The following SH3GLB1 variants were observed in gnomAD, a reference collection of about 807,000 sequenced individuals.
The protein encoded by SH3GLB1 is endophilin-B1.
Under a neutral mutation model 42.0 loss-of-function variants are expected in SH3GLB1, and 17 were observed. The ratio of observed to expected loss-of-function variants is 0.40; its 90% CI spans 0.28 to 0.61. The LOEUF (loss-of-function observed/expected upper bound fraction) is 0.61. SH3GLB1 is among the 20% of genes least tolerant of loss of function. The pLI, the probability that SH3GLB1 is intolerant of heterozygous loss-of-function variation, is 0.36. For synonymous variants in SH3GLB1, 132 were observed against 146.6 expected (o/e 0.90, Z 0.72); for missense variants, 355 against 426.3 (o/e 0.83, Z 1.47).
chr1:86,722,229 A>G (rs920485111), intron 3 of SH3GLB1, among the ~76,000 whole-genome samples: 6 of 151,182 alleles, frequency 4.0e-5, no homozygotes, highest in Non-Finnish European at 8.8e-5. Flanking sequence ...CAGAACCCAT[A>G]GATACAGAGG....
At chr1:86,717,103 T>C (rs1163972552) in intron 2 of SH3GLB1, among the ~76,000 whole-genome samples, 1 of 152,184 alleles carries the variant, frequency 6.6e-6, no homozygotes, top group Admixed American at 6.5e-5. Context: ...CAAATCTGCA[T>C]GTGTACTCCT....
rs114006993 is a variant in SH3GLB1, at chr1:86,744,466, G to A, written c.*1231G>A. The A allele has an allele frequency of 6.6e-6, 1 of 152,172 alleles. No homozygotes were observed. The highest frequency in any genetic ancestry group is 3.2e-3 in the Middle Eastern group (1 of 316). The allele number at this position is 152,172 out of a possible 1,614,324, so 9.4% of individuals were successfully genotyped here. On this transcript the variant is annotated 3_prime_UTR_variant, in exon 9 of 9. Transcript: ENST00000370558. ...CAATTATCCTATAGTAGGATTCGTG[G>A]TGTGATGGGGAAAATACAAGGTACT... is the stretch of plus-strand genomic sequence containing the variant.
chr1:86,724,103 A>G (rs898421288), intron 4 of SH3GLB1, among the ~76,000 whole-genome samples: 1 of 143,720 alleles, frequency 7.0e-6, no homozygotes, highest in Non-Finnish European at 1.5e-5. Context: ...GACACTTACA[A>G]TGTTTCAATT....
intron 1 of SH3GLB1, among the ~76,000 whole-genome samples, chr1:86,714,588 A>G (rs1037312629): frequency 6.6e-5 from 10 of 152,216 alleles, no homozygotes; most frequent in Non-Finnish European, 1.3e-4. Flanking sequence ...AGGTGTTGAT[A>G]ATAACCTGAA....
chr1:86,704,744 G>A lies in SH3GLB1; in HGVS notation c.-156G>A. On this transcript the variant is annotated 5_prime_UTR_variant, in exon 1 of 9. Transcript: ENST00000370558. ...CCCTCGCCCCGCCTTCATCCTCCCC[G>A]TTCACGGAAACGACAGCTGCGGCTG... 1 of 490,198 alleles carries A rather than the reference G, an allele frequency of 2.0e-6. No homozygotes were observed. Among genetic ancestry groups the A allele is most frequent in the Non-Finnish European group, 3.6e-6 (1 of 279,212 alleles). 30.4% of individuals were successfully genotyped at this position (490,198 alleles called of 1,614,324 possible).
At chr1:86,707,060 T>G (rs1241987186) in intron 1 of SH3GLB1, among the ~76,000 whole-genome samples, 1 of 152,248 alleles carries the variant, frequency 6.6e-6, no homozygotes, top group Non-Finnish European at 1.5e-5. Context: ...ATCAGCAAAG[T>G]GTCTGCCCTC....
In SH3GLB1 at chr1:86,733,236, C is replaced by T. The variant is rs998130829; in HGVS notation, c.571-1366C>T. 4.5e-4 allele frequency among the ~76,000 whole-genome samples: 68 copies of T among 152,174 alleles called. 1 individual carries two copies. Among genetic ancestry groups the T allele is most frequent in the Non-Finnish European group, 2.2e-4 (15 of 67,996 alleles). On this transcript the variant is annotated intron_variant, in intron 5 of 8. Coordinates refer to ENST00000370558, the MANE Select transcript of SH3GLB1 (RefSeq NM_016009.5). ...TGACTTACTAATTCAAGCTTATTTC[C>T]GTAAGTCCAAGCTAGAGGTCAATTA...
At chr1:86,721,260 A>G (rs971417061) in intron 3 of SH3GLB1, among the ~76,000 whole-genome samples, 1 of 152,216 alleles carries the variant, frequency 6.6e-6, no homozygotes. Flanking sequence ...TAAGCATTAT[A>G]TAGTATATAT....
At chr1:86,722,871 T>C (rs1328139645) in intron 4 of SH3GLB1, among the ~76,000 whole-genome samples, 198 bp downstream of exon 4, 1 of 152,240 alleles carries the variant, frequency 6.6e-6, no homozygotes, top group Non-Finnish European at 1.5e-5. Context: ...TTGTGTGTCC[T>C]ACAGTGTTAT....
intron 4 of SH3GLB1, among the ~76,000 whole-genome samples, 167 bp from the exon 5 acceptor site, chr1:86,724,146 G>A (rs1655023549): frequency 8.2e-6 from 1 of 121,708 alleles, no homozygotes; most frequent in Admixed American, 7.5e-5. Context: ...GTAACAAGGG[G>A]GTGGGGGGGG....
At position 86,730,138 on chromosome 1, in the gene SH3GLB1, A is replaced by G. The variant is rs753686008; in HGVS notation, c.571-4464A>G. On this transcript the variant is annotated intron_variant, in intron 5 of 8. Transcript: ENST00000370558. ...TAAGTAAATTATTAAATACAGAACTATGAAACAAGAATTTAGTTGACGTTG... is the reference window on the plus strand; with the variant it reads ...TAAGTAAATTATTAAATACAGAACTGTGAAACAAGAATTTAGTTGACGTTG... The G allele has an allele frequency of 6.3e-5, 99 of 1,581,272 alleles. No homozygotes were observed. In the Middle Eastern group the frequency reaches 3.2e-3, roughly 50 times the overall value.
Position 86,724,969 on chromosome 1 carries a change from A to G in SH3GLB1, c.570+564A>G, listed in dbSNP as rs746774840. 1.7e-3 allele frequency among the ~76,000 whole-genome samples: 244 copies of G among 144,904 alleles called. 2 individuals are homozygous for G. The highest frequency in any genetic ancestry group is 2.8e-3 in the Non-Finnish European group (184 of 66,826). On this transcript the variant is annotated intron_variant, in intron 5 of 8. Coordinates refer to ENST00000370558, the MANE Select transcript of SH3GLB1 (RefSeq NM_016009.5). ...TATAAAATATATAATACATATGTGT[A>G]TATATATAAAATATATATATGTGTG...
At chr1:86,706,328 A>G (rs182378721) in intron 1 of SH3GLB1, among the ~76,000 whole-genome samples, 59 of 152,288 alleles carry the variant, frequency 3.9e-4, no homozygotes, top group African/African-American at 1.4e-3. Flanking sequence ...ATCTGGTTCA[A>G]TCTGAGCATT....
chr1:86,720,703 T>C (rs1282800059), intron 3 of SH3GLB1, among the ~76,000 whole-genome samples: 3 of 152,256 alleles, frequency 2.0e-5, no homozygotes, highest in African/African-American at 7.2e-5. Context: ...TTTCTACACA[T>C]AGTTCTGATT....
intron 2 of SH3GLB1, among the ~76,000 whole-genome samples, chr1:86,717,476 G>C (rs1654600928): frequency 6.6e-6 from 1 of 152,084 alleles, no homozygotes; most frequent in Non-Finnish European, 1.5e-5. Flanking sequence ...CTGGAGTGCA[G>C]TGGTGTGATC....
intron 5 of SH3GLB1, among the ~76,000 whole-genome samples, chr1:86,724,967 G>A (rs1004581412): frequency 1.2e-4 from 17 of 138,180 alleles, no homozygotes; most frequent in Non-Finnish European, 2.4e-4. Flanking sequence ...ATACATATGT[G>A]TATATATATA....
rs992753585 is a variant in SH3GLB1, at chr1:86,747,478, T to C, written c.*4243T>C. The C allele has an allele frequency of 7.2e-6, 1 of 139,296 alleles. No individual in the cohort carries two copies. Among genetic ancestry groups the C allele is most frequent in the African/African-American group, 3.2e-5 (1 of 31,208 alleles). 8.6% of individuals were successfully genotyped at this position (139,296 alleles called of 1,614,324 possible). ...TTCTCTGACATCACTTGAAAAATCC[T>C]CTCTGCCTTCTGTAACCCTTAACCA... On this transcript the variant is annotated 3_prime_UTR_variant, in exon 9 of 9. Transcript: ENST00000370558.
intron 3 of SH3GLB1, among the ~76,000 whole-genome samples, chr1:86,719,982 CGA>C (rs1316105820): frequency 8.6e-6 from 1 of 116,768 alleles, no homozygotes; most frequent in Admixed American, 1.1e-4. Context: ...GGCCACAGAA[CGA>C]GACTCTGTCT....
At chr1:86,736,680 G>C (rs1371629731) in intron 7 of SH3GLB1, among the ~76,000 whole-genome samples, 1 of 152,108 alleles carries the variant, frequency 6.6e-6, no homozygotes, top group African/African-American at 2.4e-5. Flanking sequence ...ACAAAATCCA[G>C]TTGTTGCGTT....
Sources: allele counts gnomAD v4.1 joint callset (sites outside exome capture counted in the v4.1 genomes callset), GRCh38; gene constraint gnomAD v4.1.1; transcripts MANE v1.5; gene names NCBI Gene and HGNC (gene_info 2026-07-23, HGNC 2026-07-21).